SPATA13: variants seen among roughly 807,000 people sequenced by gnomAD.
SPATA13 encodes the protein spermatogenesis associated 13.
A neutral mutation model predicts 104.0 loss-of-function variants in SPATA13; 50 were observed. The observed-to-expected ratio is 0.48, with a 90% CI of 0.38 to 0.61. The LOEUF is 0.61. Ranked by LOEUF, SPATA13 falls within the 20% of genes least tolerant of loss-of-function variation. The pLI is 0.00. For missense variants in SPATA13, 1,524 were observed against 1,690.6 expected (o/e 0.90, Z 1.73); for synonymous variants, 606 against 667.5 (o/e 0.91, Z 1.42).
In SPATA13 at chr13:24,223,538, C is replaced by T; in HGVS notation, c.609C>T (p.Leu203=). The change falls in exon 2 of 13, where the codon CTC becomes CTT. Residue 203 remains leucine, a synonymous_variant. Coordinates refer to ENST00000382108, the MANE Select transcript of SPATA13 (RefSeq NM_001166271.3). ...GGAGCACACACCGCTCCCGCAGCCT[C>T]CGCAGAGCCTACGGCCTGGGCCGCA... ...FQRSTHRSRS[L]RRAYGLGRIC... 1 of 1,549,204 alleles carries T rather than the reference C, an allele frequency of 6.5e-7. No homozygotes were observed. The highest frequency in any genetic ancestry group is 8.7e-7 in the Non-Finnish European group (1 of 1,147,008).
intron 3 of SPATA13, among the ~76,000 whole-genome samples, chr13:24,037,512 A>G (rs558867162): frequency 2.1e-4 from 32 of 151,582 alleles, no homozygotes; most frequent in Non-Finnish European, 4.1e-4. Context: ...GGTTCAAGCG[A>G]TTCTCCTGCC....
chr13:24,175,231 G>GT (rs56884585), intron 1 of SPATA13, among the ~76,000 whole-genome samples: 41,418 of 151,478 alleles, frequency 0.27, 5,985 homozygotes, highest in East Asian at 0.54. Flanking sequence ...TTGTTTTTTT[G>GT]TTTTTTTTAA....
intron 3 of SPATA13, among the ~76,000 whole-genome samples, chr13:24,053,970 A>T (rs1246281077): frequency 3.9e-5 from 6 of 152,128 alleles, no homozygotes; most frequent in Non-Finnish European, 7.4e-5. Flanking sequence ...AGTCTGTAAA[A>T]ATGAGAGAGC....
intron 1 of SPATA13, among the ~76,000 whole-genome samples, chr13:24,201,623 T>C (rs918656457): frequency 6.6e-6 from 1 of 152,168 alleles, no homozygotes; most frequent in African/African-American, 2.4e-5. Context: ...GTGTTTTTAG[T>C]AGAGACAGGG....
chr13:24,093,854 T>A (rs1879983924), intron 3 of SPATA13, among the ~76,000 whole-genome samples: 1 of 152,092 alleles, frequency 6.6e-6, no homozygotes, highest in Non-Finnish European at 1.5e-5. Flanking sequence ...GTAAGAATCA[T>A]CTTGGATGCT....
intron 4 of SPATA13, among the ~76,000 whole-genome samples, chr13:24,266,436 C>T (rs1166579716): frequency 6.6e-6 from 1 of 152,116 alleles, no homozygotes; most frequent in African/African-American, 2.4e-5. Flanking sequence ...AGGCATGTGT[C>T]ACCAAGCTGG....
At position 24,277,443 on chromosome 13, in the gene SPATA13, C is replaced by CAAA. The variant is rs751513515; in HGVS notation, c.2165-6675_2165-6673dup. ...TGGGCAACAGAGCAAGACTCCGTCT[C>CAAA]AAAAAAAAAAAAAAAAAAAGAAGAA... On this transcript the variant is annotated intron_variant, in intron 4 of 12. Transcript: ENST00000382108. 2.4e-4 allele frequency among the ~76,000 whole-genome samples: 12 copies of CAAA among 50,666 alleles called. 1 individual carries two copies. The highest frequency in any genetic ancestry group is 6.4e-4 in the South Asian group (1 of 1,570). The allele number at this position is 50,666 out of a possible 152,430, so 33.2% of individuals were successfully genotyped here.
intron 3 of SPATA13, among the ~76,000 whole-genome samples, chr13:24,054,551 A>G (rs1878471276): frequency 6.7e-6 from 1 of 148,376 alleles, no homozygotes; most frequent in Non-Finnish European, 1.5e-5. Context: ...TTTTTAGTTT[A>G]AATTAACTTT....
chr13:23,997,759 C>T (rs945895039), intron 2 of SPATA13, among the ~76,000 whole-genome samples: 1 of 151,956 alleles, frequency 6.6e-6, no homozygotes, highest in Admixed American at 6.6e-5. Context: ...GAGGTGCCAG[C>T]CTCTATAAAC....
chr13:24,163,268 C>T (rs915480552), intron 1 of SPATA13, among the ~76,000 whole-genome samples: 6 of 152,114 alleles, frequency 3.9e-5, no homozygotes, highest in African/African-American at 9.7e-5. Context: ...GTTGTGATGG[C>T]GCACTCACCT....
chr13:24,031,655 ACTG>A (rs1877486131), intron 3 of SPATA13, among the ~76,000 whole-genome samples: 1 of 152,204 alleles, frequency 6.6e-6, no homozygotes, highest in East Asian at 1.9e-4. Flanking sequence ...TATGTCAGGC[ACTG>A]TAGATGCAAA....
intron 2 of SPATA13, among the ~76,000 whole-genome samples, chr13:24,012,380 G>C (rs1318670126): frequency 6.6e-6 from 1 of 152,258 alleles, no homozygotes; most frequent in Non-Finnish European, 1.5e-5. Flanking sequence ...ATCACCAGCA[G>C]ATGCTCGTGG....
chr13:24,064,899 C>A (rs549227292), intron 3 of SPATA13, among the ~76,000 whole-genome samples: 8 of 151,932 alleles, frequency 5.3e-5, no homozygotes, highest in Non-Finnish European at 1.0e-4. Flanking sequence ...TCAGACAAAC[C>A]CAAATTGAAG....
intron 4 of SPATA13, 89 bp downstream of exon 4, chr13:24,251,951 C>T (rs900746820): frequency 2.3e-5 from 34 of 1,491,844 alleles, no homozygotes; most frequent in African/African-American, 8.4e-5. Flanking sequence ...TCTGCACCTT[C>T]GCGCCTCCCT....
intron 3 of SPATA13, among the ~76,000 whole-genome samples, chr13:24,104,669 T>G (rs1166896096): frequency 6.6e-6 from 1 of 152,228 alleles, no homozygotes; most frequent in Non-Finnish European, 1.5e-5. Flanking sequence ...TTTGATGAGC[T>G]AAGAGTCTAA....
chr13:24,000,547 C>T (rs2182228), intron 2 of SPATA13, among the ~76,000 whole-genome samples: 114,179 of 151,926 alleles, frequency 0.75, 43,086 homozygotes, highest in African/African-American at 0.82. Flanking sequence ...ACAAACCAAG[C>T]ACACGGCAAC....
At chr13:24,115,587 A>T (rs1477634300) in intron 3 of SPATA13, among the ~76,000 whole-genome samples, 1 of 152,238 alleles carries the variant, frequency 6.6e-6, no homozygotes, top group Non-Finnish European at 1.5e-5. Flanking sequence ...CTTCATGTCC[A>T]TGGAAAAATT....
chr13:24,190,282 A>ATG (rs1869608573), intron 1 of SPATA13, among the ~76,000 whole-genome samples: 1 of 10,922 alleles, frequency 9.2e-5, no homozygotes, highest in African/African-American at 1.0e-4. Context: ...TATTATATAT[A>ATG]ATATATAATA....
chr13:24,165,691 C>G (rs1425297936), intron 1 of SPATA13, among the ~76,000 whole-genome samples: 1 of 152,094 alleles, frequency 6.6e-6, no homozygotes, highest in Non-Finnish European at 1.5e-5. Flanking sequence ...CCAATGGGGG[C>G]AGGAGGCTGG....
Sources: allele counts gnomAD v4.1 joint callset (sites outside exome capture counted in the v4.1 genomes callset), GRCh38; gene constraint gnomAD v4.1.1; transcripts MANE v1.5; gene names NCBI Gene and HGNC (gene_info 2026-07-23, HGNC 2026-07-21).